The following BBS9 variants were observed in gnomAD, a reference collection of about 807,000 sequenced individuals.
BBS9 encodes the protein Bardet-Biedl syndrome 9, also known as protein PTHB1.
BBS9 carries 89 observed loss-of-function variants against 117.7 expected under a neutral mutation model. That is an observed-to-expected ratio of 0.76 (90% CI 0.64 to 0.90). The LOEUF (loss-of-function observed/expected upper bound fraction) is 0.90, where lower values mean the gene tolerates loss of function less well. BBS9 is among the 40% of genes least tolerant of loss of function. The pLI, the probability that BBS9 is intolerant of heterozygous loss-of-function variation, is 0.00. For synonymous variants in BBS9, 379 were observed against 370.9 expected (o/e 1.02, Z -0.25); for missense variants, 982 against 1,042.2 (o/e 0.94, Z 0.80).
intron 20 of BBS9, among the ~76,000 whole-genome samples, chr7:33,528,768 A>G (rs1186771961): frequency 6.6e-6 from 1 of 152,208 alleles, no homozygotes; most frequent in Non-Finnish European, 1.5e-5. Flanking sequence ...GAGGTGAGTG[A>G]GGTTAAGTCA....
Position 33,545,924 on chromosome 7 carries a change from CTTTTTTTTTTTTTTT to C in BBS9, c.2521+11761_2521+11775del, listed in dbSNP as rs10537037. 1.0e-3 allele frequency among the ~76,000 whole-genome samples: 65 copies of C among 64,614 alleles called. 1 individual carries two copies. The highest frequency in any genetic ancestry group is 3.9e-3 in the African/African-American group (62 of 15,874). 42.4% of individuals were successfully genotyped at this position (64,614 alleles called of 152,430 possible). On this transcript the variant is annotated intron_variant, in intron 21 of 22. Coordinates refer to ENST00000242067, the MANE Select transcript of BBS9 (RefSeq NM_198428.3). ...ATACTATACCTACTGCTTTATAATCCTTTTTTTTTTTTTTTTTTTTTTTTTTTGAGATGGAGTCTT... is the reference window on the plus strand; with the variant it reads ...ATACTATACCTACTGCTTTATAATCCTTTTTTTTTTTTGAGATGGAGTCTT...
intron 5 of BBS9, among the ~76,000 whole-genome samples, chr7:33,226,403 G>A (rs1430803732): frequency 1.3e-5 from 2 of 152,214 alleles, no homozygotes; most frequent in East Asian, 3.9e-4. Context: ...TGTTAGATAA[G>A]TGCTGCTGGA....
chr7:33,581,099 A>T lies in BBS9; in HGVS notation c.2522-23766A>T, dbSNP rs528754077. ...TTTTGTGTGTGTGTGTGTGTGTGAGAGAGAGAGAGAGAGAGAGGAAGAGAG... is the reference window on the plus strand; with the variant it reads ...TTTTGTGTGTGTGTGTGTGTGTGAGTGAGAGAGAGAGAGAGAGGAAGAGAG... On this transcript the variant is annotated intron_variant, in intron 21 of 22. Transcript: ENST00000242067. Among the ~76,000 whole-genome samples, 398 of 143,664 alleles carry T rather than the reference A, an allele frequency of 2.8e-3. 2 individuals carry two copies. The highest frequency in any genetic ancestry group is 0.011 in the Middle Eastern group (3 of 278). 94.2% of individuals were successfully genotyped at this position (143,664 alleles called of 152,430 possible).
chr7:33,182,974 C>T (rs1798295837), intron 5 of BBS9, among the ~76,000 whole-genome samples: 2 of 152,246 alleles, frequency 1.3e-5, no homozygotes, highest in South Asian at 4.1e-4. Flanking sequence ...ATTTCCATAC[C>T]TTCTAGGTGG....
At chr7:33,415,321 C>A (rs1399483685) in intron 19 of BBS9, among the ~76,000 whole-genome samples, 1 of 152,074 alleles carries the variant, frequency 6.6e-6, no homozygotes, top group African/African-American at 2.4e-5. Context: ...CCCCATATTC[C>A]TTGAGTTTGG....
chr7:33,606,355 G>A (rs1246501228), downstream of BBS9, among the ~76,000 whole-genome samples: 1 of 152,174 alleles, frequency 6.6e-6, no homozygotes, highest in Admixed American at 6.5e-5. Context: ...AGCAACAGAA[G>A]GCTGTGTGGA....
intron 4 of BBS9, among the ~76,000 whole-genome samples, chr7:33,173,147 C>T (rs1192833344): frequency 1.3e-5 from 2 of 152,152 alleles, no homozygotes; most frequent in East Asian, 1.9e-4. Context: ...AGAAAGCATC[C>T]TCTATGCCTG....
intron 21 of BBS9, among the ~76,000 whole-genome samples, chr7:33,545,417 C>T (rs1853143070): frequency 6.6e-6 from 1 of 152,120 alleles, no homozygotes; most frequent in Non-Finnish European, 1.5e-5. Flanking sequence ...TTGCTTGGCT[C>T]TCTAACTTGA....
chr7:33,151,505 A>C (rs1793300788), intron 2 of BBS9, among the ~76,000 whole-genome samples: 1 of 152,054 alleles, frequency 6.6e-6, no homozygotes, highest in Non-Finnish European at 1.5e-5. Context: ...GTAAGCCTCC[A>C]GTATTGAAGT....
At chr7:33,590,905 C>T (rs965636579) in intron 21 of BBS9, among the ~76,000 whole-genome samples, 2 of 151,558 alleles carry the variant, frequency 1.3e-5, no homozygotes, top group African/African-American at 2.4e-5. Flanking sequence ...AAAATTCTGA[C>T]GGTTTAGCTC....
chr7:33,518,213 A>ATTT (rs1848084368), intron 20 of BBS9, among the ~76,000 whole-genome samples: 1 of 120,136 alleles, frequency 8.3e-6, no homozygotes, highest in Non-Finnish European at 1.8e-5. Flanking sequence ...AGTACATTCC[A>ATTT]TTTTCTACAT....
chr7:33,589,035 G>T (rs113269747), intron 21 of BBS9, among the ~76,000 whole-genome samples: 1 of 152,100 alleles, frequency 6.6e-6, no homozygotes, highest in Non-Finnish European at 1.5e-5. Flanking sequence ...ACGATCACGG[G>T]TTACTCTTTT....
At chr7:33,554,847 G>T (rs1416886716) in intron 21 of BBS9, among the ~76,000 whole-genome samples, 3 of 152,128 alleles carry the variant, frequency 2.0e-5, no homozygotes, top group Non-Finnish European at 4.4e-5. Flanking sequence ...AACATCTAGA[G>T]GTCAGGTGGA....
At chr7:33,408,610 C>A (rs1436924688) in intron 19 of BBS9, among the ~76,000 whole-genome samples, 2 of 152,182 alleles carry the variant, frequency 1.3e-5, no homozygotes, top group East Asian at 3.9e-4. Flanking sequence ...ATGTAGTTCA[C>A]TGTTGATGGG....
At chr7:33,510,113 G>A (rs898157238) in intron 20 of BBS9, among the ~76,000 whole-genome samples, 6 of 152,106 alleles carry the variant, frequency 3.9e-5, no homozygotes, top group African/African-American at 1.2e-4. Flanking sequence ...ACTTGGTTCC[G>A]TTTGATAACC....
chr7:33,546,077 G>A (rs1423866599), intron 21 of BBS9, among the ~76,000 whole-genome samples: 1 of 151,534 alleles, frequency 6.6e-6, no homozygotes, highest in Non-Finnish European at 1.5e-5. Context: ...GGGACTACAG[G>A]CGCCTGCCAC....
At chr7:33,270,189 T>C (rs1488675978) in intron 7 of BBS9, among the ~76,000 whole-genome samples, 1 of 151,780 alleles carries the variant, frequency 6.6e-6, no homozygotes, top group Non-Finnish European at 1.5e-5. Flanking sequence ...TCTGAAAACA[T>C]CCAGAAAAGA....
intron 2 of BBS9, among the ~76,000 whole-genome samples, chr7:33,149,291 G>A (rs900827664): frequency 1.3e-5 from 2 of 152,178 alleles, no homozygotes; most frequent in Non-Finnish European, 2.9e-5. Context: ...AAGAAGGTAA[G>A]AATGTATACC....
At chr7:33,402,882 T>A (rs1040318698) in intron 19 of BBS9, among the ~76,000 whole-genome samples, 2 of 152,098 alleles carry the variant, frequency 1.3e-5, no homozygotes, top group African/African-American at 4.8e-5. Flanking sequence ...CAGTGTCTGT[T>A]GTTCCTAACT....
Sources: gnomAD v4.1 joint callset for allele counts (sites outside exome capture counted in the v4.1 genomes callset) on GRCh38, gnomAD v4.1.1 for gene constraint, MANE v1.5 for transcripts, NCBI Gene and HGNC (gene_info 2026-07-23, HGNC 2026-07-21) for gene names.